THRB: variants seen among roughly 807,000 people sequenced by gnomAD.
THRB encodes thyroid hormone receptor beta.
In THRB, 12 loss-of-function variants were observed where a neutral mutation model predicts 47.8. The observed-to-expected ratio is 0.25, with a 90% CI of 0.16 to 0.41. The LOEUF is 0.41. Among genes scored for constraint, THRB ranks in the 10% least tolerant of loss-of-function variants. The probability of loss-of-function intolerance (pLI) is 1.00; values close to 1 mark genes in which losing one functional copy is unlikely to be tolerated. For synonymous variants in THRB, 218 were observed against 212.2 expected (o/e 1.03, Z -0.24); for missense variants, 348 against 589.2 (o/e 0.59, Z 4.24).
At chr3:24,407,781 T>C (rs1000327705) in intron 1 of THRB, among the ~76,000 whole-genome samples, 5 of 151,902 alleles carry the variant, frequency 3.3e-5, no homozygotes, top group Non-Finnish European at 5.9e-5. Context: ...TTGGCCACCA[T>C]TTACTTTTCT....
chr3:24,339,607 C>A, intron 1 of THRB, among the ~76,000 whole-genome samples: 1 of 151,986 alleles, frequency 6.6e-6, no homozygotes, highest in East Asian at 1.9e-4. Context: ...TACAAACATG[C>A]GGCATCTTTT....
chr3:24,408,443 T>C (rs1390932143), intron 1 of THRB, among the ~76,000 whole-genome samples: 1 of 151,826 alleles, frequency 6.6e-6, no homozygotes, highest in African/African-American at 2.4e-5. Flanking sequence ...TTTCGACATA[T>C]GTTTAGTATT....
chr3:24,188,430 C>T (rs557277215), intron 5 of THRB, among the ~76,000 whole-genome samples: 1 of 152,248 alleles, frequency 6.6e-6, no homozygotes, highest in East Asian at 1.9e-4. Flanking sequence ...TGGTCTTAAC[C>T]ACTCTACTAA....
chr3:24,339,851 G>A (rs1384086716), intron 1 of THRB, among the ~76,000 whole-genome samples: 1 of 152,186 alleles, frequency 6.6e-6, no homozygotes, highest in Non-Finnish European at 1.5e-5. Flanking sequence ...AAGCAAAAAT[G>A]AGAATCACTC....
intron 1 of THRB, among the ~76,000 whole-genome samples, chr3:24,461,787 T>C (rs760589596): frequency 3.3e-5 from 5 of 152,204 alleles, no homozygotes; most frequent in Non-Finnish European, 7.3e-5. Flanking sequence ...TAAGCATAAA[T>C]TTATTGTCAG....
chr3:24,174,499 A>G (rs894938208), intron 5 of THRB, among the ~76,000 whole-genome samples: 1 of 152,194 alleles, frequency 6.6e-6, no homozygotes, highest in Non-Finnish European at 1.5e-5. Context: ...AATTGATTTT[A>G]AAGGAGAATC....
intron 1 of THRB, among the ~76,000 whole-genome samples, chr3:24,395,386 T>C (rs1418392941): frequency 6.6e-6 from 1 of 152,122 alleles, no homozygotes; most frequent in Non-Finnish European, 1.5e-5. Context: ...GAAATCTGTA[T>C]CTAAAATACG....
At chr3:24,398,252 AC>A (rs2067121097) in intron 1 of THRB, among the ~76,000 whole-genome samples, 1 of 152,122 alleles carries the variant, frequency 6.6e-6, no homozygotes, top group African/African-American at 2.4e-5. Context: ...AAACTAAAGA[AC>A]TGCTGCACAG....
intron 2 of THRB, among the ~76,000 whole-genome samples, chr3:24,325,049 A>C (rs1258090176): frequency 3.3e-5 from 5 of 152,228 alleles, no homozygotes. Context: ...CTGTGTATTA[A>C]ATTCTTGCTT....
At chr3:24,222,142 G>C (rs556896011) in intron 4 of THRB, among the ~76,000 whole-genome samples, 5 of 152,176 alleles carry the variant, frequency 3.3e-5, no homozygotes, top group Non-Finnish European at 7.3e-5. Context: ...TATTATGGCA[G>C]AAACTAGAGA....
At chr3:24,463,471 T>C (rs1048722059) in intron 1 of THRB, among the ~76,000 whole-genome samples, 3 of 152,168 alleles carry the variant, frequency 2.0e-5, no homozygotes, top group Non-Finnish European at 4.4e-5. Context: ...GGTCTTCCTG[T>C]GTTGCCCAGG....
chr3:24,259,898 A>T (rs2051770052), intron 3 of THRB, among the ~76,000 whole-genome samples: 1 of 152,140 alleles, frequency 6.6e-6, no homozygotes, highest in Non-Finnish European at 1.5e-5. Context: ...AGCTTTATTG[A>T]GATATGATTC....
At chr3:24,245,772 G>T (rs2050051352) in intron 3 of THRB, among the ~76,000 whole-genome samples, 1 of 152,170 alleles carries the variant, frequency 6.6e-6, no homozygotes, top group African/African-American at 2.4e-5. Context: ...AATTAGCCGG[G>T]TGTGGTGGCA....
At chr3:24,191,898 A>C (rs920066167) in intron 4 of THRB, among the ~76,000 whole-genome samples, 11 of 152,246 alleles carry the variant, frequency 7.2e-5, no homozygotes, top group African/African-American at 2.7e-4. Flanking sequence ...GCCAGTAAGC[A>C]ATAAGTCTCC....
intron 4 of THRB, among the ~76,000 whole-genome samples, chr3:24,198,414 G>A (rs1046943171): frequency 6.2e-5 from 9 of 145,122 alleles, no homozygotes; most frequent in Non-Finnish European, 1.0e-4. Flanking sequence ...GTCTAGCCTT[G>A]TGCAGAAATA....
chr3:24,315,239 G>A lies in THRB; in HGVS notation c.-188-17868C>T, dbSNP rs146101122. Among the ~76,000 whole-genome samples the A allele has an allele frequency of 7.8e-3, 1,192 of 152,258 alleles. 19 individuals are homozygous for A. Among genetic ancestry groups the A allele is most frequent in the African/African-American group, 0.027 (1,109 of 41,552 alleles). On this transcript the variant is annotated intron_variant, in intron 2 of 10. Coordinates refer to ENST00000646209, the MANE Select transcript of THRB (RefSeq NM_001354712.2). ...TTCACACACAGAGCATCACGGGGGT[G>A]GTTTGACACTTACCCTGCTGTCCTC...
At chr3:24,407,176 C>T (rs895977110) in intron 1 of THRB, among the ~76,000 whole-genome samples, 2 of 151,774 alleles carry the variant, frequency 1.3e-5, no homozygotes, top group Non-Finnish European at 2.9e-5. Flanking sequence ...TGTCCTCTAG[C>T]GATGGCATAG....
intron 10 of THRB, among the ~76,000 whole-genome samples, chr3:24,126,132 C>G (rs1386709637): frequency 6.6e-6 from 1 of 152,120 alleles, no homozygotes; most frequent in Non-Finnish European, 1.5e-5. Context: ...GTGGCTCATG[C>G]CTATAATCCC....
intron 3 of THRB, among the ~76,000 whole-genome samples, chr3:24,284,186 C>T (rs1158794427): frequency 2.9e-4 from 44 of 150,030 alleles, no homozygotes; most frequent in Middle Eastern, 3.5e-3. Flanking sequence ...AACTATACTA[C>T]AAGGCTACAG....
Sources: allele counts gnomAD v4.1 joint callset (sites outside exome capture counted in the v4.1 genomes callset), GRCh38; gene constraint gnomAD v4.1.1; transcripts MANE v1.5; gene names NCBI Gene and HGNC (gene_info 2026-07-23, HGNC 2026-07-21).